The following NFIA variants were observed in gnomAD, a reference collection of about 807,000 sequenced individuals.
NFIA encodes the protein nuclear factor 1 A-type.
Under a neutral mutation model 62.8 loss-of-function variants are expected in NFIA, and 8 were observed. The ratio of observed to expected loss-of-function variants is 0.13; its 90% CI spans 0.07 to 0.23. The LOEUF (loss-of-function observed/expected upper bound fraction) is 0.23, where lower values mean the gene tolerates loss of function less well. Ranked by LOEUF, NFIA falls within the 10% of genes least tolerant of loss-of-function variation. The pLI is 1.00. For synonymous variants in NFIA, 235 were observed against 238.1 expected, an observed-to-expected ratio of 0.99 and a Z score of 0.12; for missense variants, 410 against 642.1, an observed-to-expected ratio of 0.64 and a Z score of 3.91.
chr1:61,402,799 A>G lies in NFIA; in HGVS notation c.1076-1305A>G, dbSNP rs150108714. Among the ~76,000 whole-genome samples, 4 of 152,330 alleles carry G rather than the reference A, an allele frequency of 2.6e-5. No individual in the cohort carries two copies. The East Asian group carries it at 7.7e-4, about 29-fold the overall frequency. On this transcript the variant is annotated intron_variant, in intron 7 of 10. Coordinates refer to ENST00000403491, the MANE Select transcript of NFIA (RefSeq NM_001134673.4). ...TGGATTGGAAAGTTGCTTCCCCTCCAATCGCCCATTTCCAGTCTTTTTGAA... is the reference window on the plus strand; with the variant it reads ...TGGATTGGAAAGTTGCTTCCCCTCCGATCGCCCATTTCCAGTCTTTTTGAA...
At chr1:61,394,916 C>G (rs1024287221) in intron 7 of NFIA, among the ~76,000 whole-genome samples, 4 of 152,108 alleles carry the variant, frequency 2.6e-5, no homozygotes, top group African/African-American at 9.7e-5. Context: ...TGCAACCAGC[C>G]TGGGTGACAA....
intron 2 of NFIA, among the ~76,000 whole-genome samples, chr1:61,222,079 AAC>A (rs1300679958): frequency 6.6e-6 from 1 of 152,164 alleles, no homozygotes; most frequent in Admixed American, 6.5e-5. Context: ...AGTTATGTTA[AAC>A]ACTATCACTA....
At chr1:61,441,900 C>T (rs1194072130) in intron 10 of NFIA, among the ~76,000 whole-genome samples, 2 of 151,774 alleles carry the variant, frequency 1.3e-5, no homozygotes, top group African/African-American at 2.4e-5. Context: ...CCCCTGTTAA[C>T]GTCATTGTTC....
chr1:61,458,541 G>T lies in NFIA; in HGVS notation c.*3221G>T, dbSNP rs1225932716. ...TTTTATAATGCAGGACTTTTGTAAT[G>T]TTGTTTAAATGAGGAAAAATTTCTG... On this transcript the variant is annotated 3_prime_UTR_variant, in exon 11 of 11. Coordinates refer to ENST00000403491, the MANE Select transcript of NFIA (RefSeq NM_001134673.4). 6.6e-6 allele frequency: 1 copy of T among 152,118 alleles called. No individual in the cohort carries two copies. The highest frequency in any genetic ancestry group is 6.5e-5 in the Admixed American group (1 of 15,272). The allele number at this position is 152,118 out of a possible 1,614,324, so 9.4% of individuals were successfully genotyped here.
At chr1:61,204,254 G>A (rs930832832) in intron 2 of NFIA, among the ~76,000 whole-genome samples, 27 of 152,300 alleles carry the variant, frequency 1.8e-4, no homozygotes, top group African/African-American at 6.3e-4. Context: ...TAGGCTCAAA[G>A]GAATTAAACT....
intron 9 of NFIA, among the ~76,000 whole-genome samples, chr1:61,425,155 C>T (rs1666809643): frequency 6.6e-6 from 1 of 152,202 alleles, no homozygotes; most frequent in Non-Finnish European, 1.5e-5. Context: ...ATCCATGTGA[C>T]CATTGCAGAT....
intron 1 of NFIA, 51 bp downstream of exon 1, chr1:61,082,869 A>C: frequency 6.4e-6 from 5 of 778,238 alleles, no homozygotes; most frequent in East Asian, 5.0e-5. Flanking sequence ...CGCCGGGGGC[A>C]GGGCTGGGGC....
intron 10 of NFIA, among the ~76,000 whole-genome samples, chr1:61,433,713 A>G (rs1667206477): frequency 6.6e-6 from 1 of 152,162 alleles, no homozygotes; most frequent in Non-Finnish European, 1.5e-5. Flanking sequence ...ATTTGATTAT[A>G]AGAGTTACAC....
intron 10 of NFIA, among the ~76,000 whole-genome samples, chr1:61,439,085 A>G (rs1387325665): frequency 6.6e-6 from 1 of 151,764 alleles, no homozygotes; most frequent in Non-Finnish European, 1.5e-5. Context: ...CACACTGAAC[A>G]TCAATTACCT....
chr1:61,218,888 C>A (rs1377991579), intron 2 of NFIA, among the ~76,000 whole-genome samples: 2 of 152,148 alleles, frequency 1.3e-5, no homozygotes, highest in Admixed American at 1.3e-4. Flanking sequence ...AAAAAAGCAG[C>A]ATTAACTTGT....
chr1:61,382,619 C>T (rs917058353), intron 6 of NFIA, among the ~76,000 whole-genome samples: 2 of 152,102 alleles, frequency 1.3e-5, no homozygotes, highest in Non-Finnish European at 2.9e-5. Flanking sequence ...AAATGTTTTG[C>T]CACATCATTA....
intron 2 of NFIA, among the ~76,000 whole-genome samples, chr1:61,109,028 G>A (rs1222582503): frequency 6.6e-6 from 1 of 151,754 alleles, no homozygotes; most frequent in Non-Finnish European, 1.5e-5. Flanking sequence ...TGTGTTGTGT[G>A]GCTCAGTCTC....
chr1:61,136,870 T>G (rs1356933048), intron 2 of NFIA, among the ~76,000 whole-genome samples: 15 of 152,178 alleles, frequency 9.9e-5, no homozygotes. Context: ...TAAAATGAGA[T>G]AAATAATTCT....
At chr1:61,448,690 C>T (rs575396907) in intron 10 of NFIA, among the ~76,000 whole-genome samples, 26 of 152,322 alleles carry the variant, frequency 1.7e-4, no homozygotes, top group South Asian at 1.2e-3. Context: ...CTGGCTCTTA[C>T]GGCTATGCAC....
intron 2 of NFIA, among the ~76,000 whole-genome samples, chr1:61,220,957 T>C (rs1278497103): frequency 1.3e-5 from 2 of 152,212 alleles, no homozygotes; most frequent in African/African-American, 4.8e-5. Flanking sequence ...ATACTTGCAG[T>C]GTGAATACAA....
intron 2 of NFIA, among the ~76,000 whole-genome samples, chr1:61,153,481 T>C (rs1457540588): frequency 2.6e-4 from 39 of 152,240 alleles, no homozygotes; most frequent in South Asian, 2.1e-4. Context: ...TTGAAAACTT[T>C]TGGTGTTCCA....
At chr1:61,260,945 A>G (rs549559785) in intron 2 of NFIA, among the ~76,000 whole-genome samples, 1 of 152,212 alleles carries the variant, frequency 6.6e-6, no homozygotes, top group Non-Finnish European at 1.5e-5. Flanking sequence ...TAATCAGTAT[A>G]TCTATGACAC....
intron 2 of NFIA, among the ~76,000 whole-genome samples, chr1:61,269,545 T>C (rs1657385160): frequency 6.6e-6 from 1 of 152,188 alleles, no homozygotes; most frequent in African/African-American, 2.4e-5. Context: ...TGTGGGTGTT[T>C]CTGTTGGTGA....
intron 3 of NFIA, among the ~76,000 whole-genome samples, chr1:61,325,962 A>G (rs1187251677): frequency 6.7e-6 from 1 of 148,290 alleles, no homozygotes; most frequent in African/African-American, 2.5e-5. Flanking sequence ...AAAATCTGCC[A>G]AAGAATTATA....
Sources: gnomAD v4.1 joint callset for allele counts (sites outside exome capture counted in the v4.1 genomes callset) on GRCh38, gnomAD v4.1.1 for gene constraint, MANE v1.5 for transcripts, NCBI Gene and HGNC (gene_info 2026-07-23, HGNC 2026-07-21) for gene names.